Variants in USH2A observed in about 807,000 individuals in gnomAD.
USH2A encodes usherin.
In USH2A, 443 loss-of-function variants were observed where a neutral mutation model predicts 538.9. That is an observed-to-expected ratio of 0.82 (90% CI 0.76 to 0.89). The LOEUF (loss-of-function observed/expected upper bound fraction) is 0.89. USH2A is among the 40% of genes least tolerant of loss of function. The pLI, the probability that USH2A is intolerant of heterozygous loss-of-function variation, is 0.00. For synonymous variants in USH2A, 2,413 were observed against 2,273.5 expected (o/e 1.06, Z -1.75); for missense variants, 6,633 against 6,324.8 (o/e 1.05, Z -1.65).
intron 3 of USH2A, among the ~76,000 whole-genome samples, chr1:216,367,671 C>T (rs1159343119): frequency 3.9e-5 from 6 of 152,054 alleles, no homozygotes; most frequent in African/African-American, 1.4e-4. Flanking sequence ...CTTCCATTGC[C>T]CCCTCCACTA....
chr1:215,787,612 C>G (rs1661838276), intron 51 of USH2A, among the ~76,000 whole-genome samples: 1 of 152,036 alleles, frequency 6.6e-6, no homozygotes, highest in South Asian at 2.1e-4. Flanking sequence ...TGGAGATCTA[C>G]TTTGCCTTTC....
chr1:216,127,673 A>T (rs1482110525), intron 21 of USH2A, among the ~76,000 whole-genome samples: 2 of 152,220 alleles, frequency 1.3e-5, no homozygotes, highest in African/African-American at 4.8e-5. Flanking sequence ...ACAATGCAAA[A>T]GTAAAAGAGA....
At chr1:216,292,867 C>A (rs916839099) in intron 9 of USH2A, among the ~76,000 whole-genome samples, 21 of 152,086 alleles carry the variant, frequency 1.4e-4, no homozygotes, top group Admixed American at 4.6e-4. Context: ...AAGAAATAAA[C>A]CAGTAAAAAT....
At chr1:216,289,642 A>T (rs1478395592) in intron 10 of USH2A, among the ~76,000 whole-genome samples, 1 of 152,148 alleles carries the variant, frequency 6.6e-6, no homozygotes, top group Non-Finnish European at 1.5e-5. Context: ...ATAATACCAC[A>T]CTTCTAAAAA....
At chr1:216,338,139 T>G (rs2038009095) in intron 4 of USH2A, among the ~76,000 whole-genome samples, 1 of 151,428 alleles carries the variant, frequency 6.6e-6, no homozygotes, top group Non-Finnish European at 1.5e-5. Flanking sequence ...TCAATAAACA[T>G]TTTTATATAA....
chr1:215,995,534 G>A (rs1177973075), intron 34 of USH2A, among the ~76,000 whole-genome samples: 1 of 152,160 alleles, frequency 6.6e-6, no homozygotes, highest in Admixed American at 6.5e-5. Context: ...TCATCTAAAT[G>A]AAATTGAACC....
intron 21 of USH2A, among the ~76,000 whole-genome samples, chr1:216,135,944 G>GTA (rs144362360): frequency 0.052 from 7,815 of 150,196 alleles, 248 homozygotes; most frequent in Non-Finnish European, 0.074. Flanking sequence ...TTCATTAAAA[G>GTA]TATATATATA....
chr1:215,625,792 T>C lies in USH2A; in HGVS notation c.15598A>G (p.Thr5200Ala). The change falls in exon 72 of 72, where the codon ACC becomes GCC. Residue 5200 changes from threonine (T) to alanine (A), a missense_variant. Transcript: ENST00000307340. ...TGGGTTTCCATCCTTTACAGGTGGG[T>C]GTCTGTGAATGTGGTGCGTTCCTTA... ...VTKERTTFTD[T>A]HL The C allele has an allele frequency of 1.2e-6, 2 of 1,614,128 alleles. No homozygotes were observed. Among genetic ancestry groups the C allele is most frequent in the Non-Finnish European group, 1.7e-6 (2 of 1,179,994 alleles).
At chr1:215,994,372 T>C (rs1169006456) in intron 34 of USH2A, among the ~76,000 whole-genome samples, 1 of 152,156 alleles carries the variant, frequency 6.6e-6, no homozygotes. Context: ...AGAAGGAAGC[T>C]GACTGATTTT....
chr1:216,052,831 T>C (rs538313572), intron 30 of USH2A, among the ~76,000 whole-genome samples: 3 of 152,190 alleles, frequency 2.0e-5, no homozygotes, highest in Non-Finnish European at 4.4e-5. Context: ...AGTTGTGCCA[T>C]GGCCAAAGAA....
chr1:215,658,090 C>T (rs1433294284), intron 64 of USH2A, among the ~76,000 whole-genome samples: 1 of 151,804 alleles, frequency 6.6e-6, no homozygotes, highest in African/African-American at 2.4e-5. Context: ...GCACGCCACC[C>T]CGCCCGGCTA....
intron 61 of USH2A, among the ~76,000 whole-genome samples, chr1:215,708,827 G>T (rs952329516): frequency 6.6e-6 from 1 of 152,072 alleles, no homozygotes; most frequent in Non-Finnish European, 1.5e-5. Context: ...ACTGGTCTGC[G>T]TCCCCGGGGT....
At position 215,628,952 on chromosome 1, in the gene USH2A, C is replaced by G. The variant is rs779438442; in HGVS notation, c.15381G>C (p.Pro5127=). The part of the protein sequence containing the change: ...SNRSACVLRI[P]SQNQTSLTYS... ...AGGTTAGGCTGGTTTGGTTTTGACT[C>G]GGGATGCGCAGGACACATGCACTCC... is the stretch of plus-strand genomic sequence containing the variant. The change falls in exon 71 of 72, where the codon CCG becomes CCC. Residue 5127 remains proline, a synonymous_variant. Transcript: ENST00000307340. 5 of 1,613,978 alleles carry G rather than the reference C, an allele frequency of 3.1e-6. No individual in the cohort carries two copies. Among genetic ancestry groups the G allele is most frequent in the African/African-American group, 1.3e-5 (1 of 74,914 alleles).
At chr1:216,377,337 C>T (rs185119734) in intron 3 of USH2A, among the ~76,000 whole-genome samples, 3 of 152,248 alleles carry the variant, frequency 2.0e-5, no homozygotes, top group Non-Finnish European at 2.9e-5. Flanking sequence ...GAAGTGCACA[C>T]ATTTAATTTG....
intron 43 of USH2A, among the ~76,000 whole-genome samples, chr1:215,872,863 T>C (rs916113724): frequency 1.2e-4 from 18 of 152,100 alleles, no homozygotes; most frequent in Non-Finnish European, 1.5e-4. Context: ...CAGCGCCCTC[T>C]TGCTCCCTCT....
At chr1:216,180,856 A>G (rs1206451270) in intron 20 of USH2A, among the ~76,000 whole-genome samples, 2 of 152,150 alleles carry the variant, frequency 1.3e-5, no homozygotes, top group South Asian at 2.1e-4. Flanking sequence ...TTTGCCAAAC[A>G]CTGCTAGGCC....
chr1:216,377,758 A>G (rs1167980471), intron 3 of USH2A, among the ~76,000 whole-genome samples: 1 of 136,196 alleles, frequency 7.3e-6, no homozygotes, highest in African/African-American at 2.7e-5. Context: ...AAAGAAAGAA[A>G]GAAAGAGAAG....
At chr1:216,371,548 A>T (rs928137855) in intron 3 of USH2A, among the ~76,000 whole-genome samples, 1 of 152,192 alleles carries the variant, frequency 6.6e-6, no homozygotes. Context: ...GCTAATTCAC[A>T]TCTACTCAAT....
chr1:215,682,478 G>T (rs1658268677), intron 61 of USH2A, among the ~76,000 whole-genome samples: 1 of 151,908 alleles, frequency 6.6e-6, no homozygotes, highest in Non-Finnish European at 1.5e-5. Context: ...TTAACAACTG[G>T]CATTCAGTCA....
Sources: allele counts gnomAD v4.1 joint callset (sites outside exome capture counted in the v4.1 genomes callset), GRCh38; gene constraint gnomAD v4.1.1; transcripts MANE v1.5; gene names NCBI Gene and HGNC (gene_info 2026-07-23, HGNC 2026-07-21).